Variants in SLAMF6 observed in about 807,000 individuals in gnomAD.
SLAMF6 encodes NK-T-B-antigen.
SLAMF6 carries 21 observed loss-of-function variants against 38.3 expected under a neutral mutation model. The ratio of observed to expected loss-of-function variants is 0.55; its 90% CI spans 0.39 to 0.79. The LOEUF is 0.79. SLAMF6 is among the 30% of genes least tolerant of loss of function. The pLI is 0.00. For synonymous variants in SLAMF6, 152 were observed against 146.3 expected, an observed-to-expected ratio of 1.04 and a Z score of -0.28; for missense variants, 341 against 385.3, an observed-to-expected ratio of 0.89 and a Z score of 0.96.
chr1:160,489,620 T>G (rs578221265), intron 5 of SLAMF6, among the ~76,000 whole-genome samples: 1 of 152,290 alleles, frequency 6.6e-6, no homozygotes, highest in African/African-American at 2.4e-5. Context: ...TTAACTGACT[T>G]GTGCAAAGCC....
rs1652977812 is a variant in SLAMF6, at chr1:160,486,656, TG to T, written c.*50del. 1 of 1,539,082 alleles carries T rather than the reference TG, an allele frequency of 6.5e-7. No individual in the cohort carries two copies. The highest frequency in any genetic ancestry group is 9.0e-7 in the Non-Finnish European group (1 of 1,112,424). On this transcript the variant is annotated 3_prime_UTR_variant, in exon 8 of 8. Transcript: ENST00000368057. ...GCTTCCTGTTCTTTGTTCTGTCTCA[TG>T]GGATCAGAAGACGTGTCATTCCCGA...
rs2102017118 is a variant in SLAMF6 at position 160,490,643 on chromosome 1, A to G, written c.689T>C (p.Met230Thr). 1 of 1,613,940 alleles carries G rather than the reference A, an allele frequency of 6.2e-7. No individual in the cohort carries two copies. Among genetic ancestry groups the G allele is most frequent in the Non-Finnish European group, 8.5e-7 (1 of 1,179,882 alleles). The change falls in exon 4 of 8, where the codon ATG (methionine) becomes ACG (threonine). Residue 230 changes from methionine (M) to threonine (T), a missense_variant. Coordinates refer to ENST00000368057, the MANE Select transcript of SLAMF6 (RefSeq NM_001184714.2). ...GAAGACTATGCATATCCCAGAAACCATAAACAGAATCATTTTGGTATCTGT... is the reference window on the plus strand; with the variant it reads ...GAAGACTATGCATATCCCAGAAACCGTAAACAGAATCATTTTGGTATCTGT... ...QYTDTKMILF[M>T]VSGICIVFGF...
At chr1:160,520,734 G>A (rs768253706) in intron 1 of SLAMF6, among the ~76,000 whole-genome samples, 4 of 152,154 alleles carry the variant, frequency 2.6e-5, no homozygotes, top group Non-Finnish European at 4.4e-5. Context: ...TCTAAAAGGA[G>A]TCAGGATAGT....
At chr1:160,486,819 A>G in intron 7 of SLAMF6, 65 bp from the exon 8 acceptor site, 1 of 1,563,948 alleles carries the variant, frequency 6.4e-7, no homozygotes, top group Non-Finnish European at 8.8e-7. Flanking sequence ...ACCCCTCATA[A>G]CTACAGAGAG....
intron 2 of SLAMF6, among the ~76,000 whole-genome samples, chr1:160,492,924 C>A (rs536435841): frequency 4.6e-4 from 70 of 152,314 alleles, no homozygotes; most frequent in African/African-American, 1.6e-3. Context: ...TCCAAGCTAG[C>A]ATCAACTCTT....
intron 3 of SLAMF6, 58 bp downstream of exon 3, chr1:160,491,067 G>A (rs762525435): frequency 3.0e-5 from 47 of 1,593,084 alleles, no homozygotes; most frequent in Non-Finnish European, 3.9e-5. Context: ...CGTAGGATGT[G>A]AGGACGCGTT....
rs1557930117 is a variant in SLAMF6, at chr1:160,485,048, T to C, written c.*1659A>G. 1 of 152,132 alleles carries C rather than the reference T, an allele frequency of 6.6e-6. No homozygotes were observed. 9.4% of individuals were successfully genotyped at this position (152,132 alleles called of 1,614,324 possible). On this transcript the variant is annotated 3_prime_UTR_variant, in exon 8 of 8. Coordinates refer to ENST00000368057, the MANE Select transcript of SLAMF6 (RefSeq NM_001184714.2). The stretch of plus-strand genomic sequence containing the variant: ...CAGAATAATAAGATCTATTTCATTT[T>C]ATTTTATTTATTTATTTTTTGAGAC...
intron 1 of SLAMF6, among the ~76,000 whole-genome samples, chr1:160,498,043 G>C (rs1267452975): frequency 6.6e-6 from 1 of 151,940 alleles, no homozygotes; most frequent in Non-Finnish European, 1.5e-5. Flanking sequence ...TAAGTTTTTT[G>C]AAAAATCTCC....
At chr1:160,498,678 G>A (rs772567805) in intron 1 of SLAMF6, among the ~76,000 whole-genome samples, 9 of 152,114 alleles carry the variant, frequency 5.9e-5, no homozygotes, top group Non-Finnish European at 8.8e-5. Context: ...AGATTTGGGT[G>A]GGGACACAAT....
At chr1:160,516,454 A>G (rs1272292580) in intron 1 of SLAMF6, among the ~76,000 whole-genome samples, 2 of 152,216 alleles carry the variant, frequency 1.3e-5, no homozygotes, top group Non-Finnish European at 2.9e-5. Flanking sequence ...ATTCACTACT[A>G]TTCCCATTAA....
chr1:160,491,565 G>T, intron 2 of SLAMF6, 177 bp from the exon 3 acceptor site: 4 of 402,022 alleles, frequency 9.9e-6, no homozygotes, highest in Non-Finnish European at 1.3e-5. Context: ...GGTCTGGGAT[G>T]ACCAAATGAT....
At chr1:160,515,702 T>A (rs1654707736) in intron 1 of SLAMF6, among the ~76,000 whole-genome samples, 1 of 152,158 alleles carries the variant, frequency 6.6e-6, no homozygotes, top group African/African-American at 2.4e-5. Flanking sequence ...TGGTTCAACA[T>A]ATGCAAATCA....
At chr1:160,491,460 T>C (rs16832062) in intron 2 of SLAMF6, 72 bp from the exon 3 acceptor site, 52,036 of 1,548,470 alleles carry the variant, frequency 0.034, 1,032 homozygotes, top group Admixed American at 0.078. Flanking sequence ...AAAAATATCC[T>C]TCACCTCAAT....
intron 2 of SLAMF6, among the ~76,000 whole-genome samples, chr1:160,494,314 G>A (rs1484661835): frequency 6.6e-6 from 1 of 152,068 alleles, no homozygotes; most frequent in East Asian, 1.9e-4. Flanking sequence ...AGTCATACCT[G>A]GTCTTCTCAA....
chr1:160,495,852 T>C (rs892478800), intron 2 of SLAMF6, among the ~76,000 whole-genome samples: 1 of 152,212 alleles, frequency 6.6e-6, no homozygotes, highest in African/African-American at 2.4e-5. Context: ...CGGAGTGAAG[T>C]AATTCTGGGC....
At chr1:160,523,004 G>A in intron 1 of SLAMF6, 140 bp downstream of exon 1, 1 of 807,126 alleles carries the variant, frequency 1.2e-6, no homozygotes, top group Non-Finnish European at 2.0e-6. Context: ...AGTATATCAG[G>A]TAACACTGCC....
At chr1:160,493,183 C>T (rs1044399155) in intron 2 of SLAMF6, among the ~76,000 whole-genome samples, 22 of 152,274 alleles carry the variant, frequency 1.4e-4, no homozygotes, top group Admixed American at 1.4e-3. Context: ...ATTACCTTCC[C>T]CTTACTCTGC....
At chr1:160,486,820 C>G (rs1275673396) in intron 7 of SLAMF6, 66 bp from the exon 8 acceptor site, 12 of 1,560,426 alleles carry the variant, frequency 7.7e-6, no homozygotes, top group Non-Finnish European at 9.7e-6. Context: ...CCCCTCATAA[C>G]TACAGAGAGA....
intron 6 of SLAMF6, among the ~76,000 whole-genome samples, chr1:160,488,164 A>AT (rs377597669): frequency 8.4e-4 from 125 of 148,898 alleles, no homozygotes; most frequent in South Asian, 5.5e-3. Context: ...TCCAAAGCAC[A>AT]TTTTTTTTTT....
Sources: allele counts gnomAD v4.1 joint callset (sites outside exome capture counted in the v4.1 genomes callset), GRCh38; gene constraint gnomAD v4.1.1; transcripts MANE v1.5; gene names NCBI Gene and HGNC (gene_info 2026-07-23, HGNC 2026-07-21).